Variants in GRID1 observed in about 807,000 individuals in gnomAD.
GRID1 encodes the protein glutamate receptor ionotropic, delta-1.
In GRID1, 28 loss-of-function variants were observed where a neutral mutation model predicts 98.0. That is an observed-to-expected ratio of 0.29 (90% CI 0.21 to 0.39). The LOEUF is 0.39. Ranked by LOEUF, GRID1 falls within the 10% of genes least tolerant of loss-of-function variation. The pLI is 1.00. For missense variants in GRID1, 1,111 were observed against 1,340.5 expected (o/e 0.83, Z 2.67); for synonymous variants, 553 against 538.5 (o/e 1.03, Z -0.37).
intron 4 of GRID1, among the ~76,000 whole-genome samples, chr10:86,010,814 C>CAAA (rs58304694): frequency 8.7e-6 from 1 of 114,542 alleles, no homozygotes. Context: ...ACTATGTCTC[C>CAAA]AAAAAAAAAA....
chr10:86,116,112 C>T (rs1006823265), intron 4 of GRID1, among the ~76,000 whole-genome samples: 3 of 152,128 alleles, frequency 2.0e-5, no homozygotes, highest in East Asian at 1.9e-4. Context: ...GATGACATCG[C>T]CTAACAATGC....
chr10:86,122,683 C>T (rs1589379219), intron 4 of GRID1, among the ~76,000 whole-genome samples: 1 of 152,218 alleles, frequency 6.6e-6, no homozygotes, highest in East Asian at 1.9e-4. Flanking sequence ...TTAAATTGGT[C>T]ACTGAATTAA....
chr10:85,779,858 A>G (rs1237720216), intron 8 of GRID1, among the ~76,000 whole-genome samples: 1 of 152,218 alleles, frequency 6.6e-6, no homozygotes, highest in African/African-American at 2.4e-5. Flanking sequence ...GGTGCTTTCT[A>G]CGAAGGCACC....
intron 14 of GRID1, among the ~76,000 whole-genome samples, chr10:85,615,999 A>G (rs1167653826): frequency 6.6e-6 from 1 of 152,232 alleles, no homozygotes; most frequent in Non-Finnish European, 1.5e-5. Context: ...GCCTGAGGTT[A>G]TAATAAATGT....
At chr10:86,338,795 T>C (rs150977113) in intron 2 of GRID1, among the ~76,000 whole-genome samples, 6,449 of 152,228 alleles carry the variant, frequency 0.042, 320 homozygotes, top group African/African-American at 0.12. Flanking sequence ...TGACCTCAAG[T>C]GATCCGCCTG....
intron 5 of GRID1, among the ~76,000 whole-genome samples, chr10:85,886,523 C>T (rs929604288): frequency 1.3e-5 from 2 of 152,062 alleles, no homozygotes; most frequent in South Asian, 2.1e-4. Context: ...CCAATTTCTC[C>T]AAATACGAGA....
chr10:85,939,052 C>A (rs796618139), intron 4 of GRID1, among the ~76,000 whole-genome samples: 1 of 152,314 alleles, frequency 6.6e-6, no homozygotes, highest in African/African-American at 2.4e-5. Context: ...AAATGGTTGT[C>A]CCTGGAGGCC....
intron 8 of GRID1, among the ~76,000 whole-genome samples, chr10:85,736,919 C>T (rs925466238): frequency 1.3e-5 from 2 of 152,082 alleles, no homozygotes; most frequent in Non-Finnish European, 2.9e-5. Flanking sequence ...ATATTGGTAG[C>T]CAGGATTCCT....
At chr10:85,807,033 T>A (rs562701892) in intron 8 of GRID1, among the ~76,000 whole-genome samples, 28 of 151,978 alleles carry the variant, frequency 1.8e-4, no homozygotes, top group African/African-American at 6.5e-4. Flanking sequence ...AAAAAAAAAA[T>A]CTTGGTTTAT....
At chr10:86,344,513 GC>G (rs1848355348) in intron 2 of GRID1, among the ~76,000 whole-genome samples, 1 of 152,194 alleles carries the variant, frequency 6.6e-6, no homozygotes, top group Non-Finnish European at 1.5e-5. Flanking sequence ...GCAGGGACCA[GC>G]AAGAGCCAGG....
intron 4 of GRID1, among the ~76,000 whole-genome samples, chr10:86,123,332 A>G (rs986174809): frequency 2.0e-5 from 3 of 152,206 alleles, no homozygotes; most frequent in African/African-American, 7.2e-5. Flanking sequence ...TGGGAGCAAC[A>G]AAGAATGGGA....
intron 4 of GRID1, among the ~76,000 whole-genome samples, chr10:86,120,267 G>T (rs542010511): frequency 1.5e-4 from 23 of 152,236 alleles, no homozygotes; most frequent in East Asian, 1.9e-4. Context: ...GACCATCTAT[G>T]CTCCTACCCT....
At chr10:85,870,445 C>T (rs1009482458) in intron 5 of GRID1, among the ~76,000 whole-genome samples, 3 of 152,220 alleles carry the variant, frequency 2.0e-5, no homozygotes, top group African/African-American at 7.2e-5. Context: ...GGAACTTCAC[C>T]TTGTGATCGT....
chr10:86,361,343 A>G (rs1848598508), intron 2 of GRID1, among the ~76,000 whole-genome samples: 1 of 152,238 alleles, frequency 6.6e-6, no homozygotes, highest in Admixed American at 6.5e-5. Context: ...CCAGACTCAT[A>G]AAATGAAAGT....
intron 12 of GRID1, chr10:85,649,989 C>A (rs11201715): frequency 6.6e-6 from 1 of 152,260 alleles, no homozygotes; most frequent in Non-Finnish European, 1.5e-5. Context: ...GGTTTCCAGG[C>A]TCACTAATGC....
In GRID1 at chr10:86,006,139, T is replaced by A. The variant is rs12252193; in HGVS notation, c.727-89900A>T. On this transcript the variant is annotated intron_variant, in intron 4 of 15. Coordinates refer to ENST00000327946, the MANE Select transcript of GRID1 (RefSeq NM_017551.3). Reference sequence around the variant, plus strand: ...TACTAGTGCAGAATAGAATACAAAGTCCTAAAACAGATATTATTCATAAGT... The same window carrying A: ...TACTAGTGCAGAATAGAATACAAAGACCTAAAACAGATATTATTCATAAGT... 7.7e-3 allele frequency among the ~76,000 whole-genome samples: 1,166 copies of A among 152,282 alleles called. 13 individuals carry two copies. The highest frequency in any genetic ancestry group is 0.026 in the African/African-American group (1,076 of 41,550).
At chr10:85,764,104 G>A (rs770558523) in intron 8 of GRID1, among the ~76,000 whole-genome samples, 1 of 152,208 alleles carries the variant, frequency 6.6e-6, no homozygotes, top group Non-Finnish European at 1.5e-5. Context: ...GGAACAGGAT[G>A]ATGAGCCCCT....
At chr10:86,123,237 A>C (rs1438878045) in intron 4 of GRID1, among the ~76,000 whole-genome samples, 1 of 152,208 alleles carries the variant, frequency 6.6e-6, no homozygotes, top group East Asian at 1.9e-4. Flanking sequence ...CTAAAGGCAA[A>C]GCTACAATCC....
chr10:86,024,928 C>T (rs1843097663), intron 4 of GRID1, among the ~76,000 whole-genome samples: 2 of 152,196 alleles, frequency 1.3e-5, no homozygotes, highest in Non-Finnish European at 2.9e-5. Flanking sequence ...AGGATGTCAT[C>T]TGGGCCCCAG....
Sources: allele counts gnomAD v4.1 joint callset (sites outside exome capture counted in the v4.1 genomes callset), GRCh38; gene constraint gnomAD v4.1.1; transcripts MANE v1.5; gene names NCBI Gene and HGNC (gene_info 2026-07-23, HGNC 2026-07-21).